The following RNF135 variants were observed in gnomAD, a reference collection of about 807,000 sequenced individuals.
The protein encoded by RNF135 is ring finger protein 135.
In RNF135, 46 loss-of-function variants were observed where a neutral mutation model predicts 41.9. The ratio of observed to expected loss-of-function variants is 1.10; its 90% CI spans 0.87 to 1.40. RNF135 has a LOEUF of 1.40. Among genes scored for constraint, RNF135 ranks in the 40% most tolerant of loss-of-function variants. The probability of loss-of-function intolerance (pLI) is 0.00; values close to 1 mark genes in which losing one functional copy is unlikely to be tolerated. For synonymous variants in RNF135, 238 were observed against 223.8 expected, an observed-to-expected ratio of 1.06 and a Z score of -0.57; for missense variants, 539 against 549.8, an observed-to-expected ratio of 0.98 and a Z score of 0.20.
chr17:30,964,591 G>C, the RNF135 span, among the ~76,000 whole-genome samples: 1 of 151,824 alleles, frequency 6.6e-6, no homozygotes, highest in Non-Finnish European at 1.5e-5. Context: ...GCAACAGAGG[G>C]AGACTCTGTC....
At chr17:30,975,598 C>G in intron 1 of RNF135, 1 of 881,090 alleles carries the variant, frequency 1.1e-6, no homozygotes, top group South Asian at 1.3e-5. Flanking sequence ...GAGCAAAACT[C>G]AAGAAAGCCA....
intron 1 of RNF135, among the ~76,000 whole-genome samples, chr17:30,979,767 C>G (rs1349021359): frequency 7.5e-6 from 1 of 132,916 alleles, no homozygotes; most frequent in Non-Finnish European, 1.7e-5. Flanking sequence ...GGGGCTGACC[C>G]CCCTCCCCCC....
the RNF135 span, among the ~76,000 whole-genome samples, chr17:30,964,703 T>TA: frequency 1.3e-5 from 2 of 151,314 alleles, no homozygotes; most frequent in African/African-American, 4.9e-5. Context: ...TTTTTTTTTT[T>TA]AGATGGAGTC....
At chr17:30,967,075 C>G (rs1249649138), upstream of RNF135, among the ~76,000 whole-genome samples, 1 of 152,044 alleles carries the variant, frequency 6.6e-6, no homozygotes, top group Non-Finnish European at 1.5e-5. Context: ...TGCTCTGTTG[C>G]CCAGACTGGA....
chr17:30,999,273 AC>A lies in RNF135; in HGVS notation c.*84del. 6.8e-7 allele frequency: 1 copy of A among 1,468,386 alleles called. No individual in the cohort carries two copies. Among genetic ancestry groups the A allele is most frequent in the Non-Finnish European group, 9.4e-7 (1 of 1,066,138 alleles). 91.0% of individuals were successfully genotyped at this position (1,468,386 alleles called of 1,614,324 possible). On this transcript the variant is annotated 3_prime_UTR_variant, in exon 5 of 5. Transcript: ENST00000328381. ...CAGGGTAGTAACTTGACTTAAGAAT[AC>A]CACTTTTTAGAAAAATTACGATAGA...
intron 3 of RNF135, among the ~76,000 whole-genome samples, chr17:30,994,217 C>T (rs1368263987): frequency 5.3e-5 from 8 of 152,116 alleles, no homozygotes; most frequent in Non-Finnish European, 2.9e-5. Flanking sequence ...AAAATACATA[C>T]AACATAAAAT....
At chr17:30,986,940 G>A (rs1462066283) in intron 2 of RNF135, among the ~76,000 whole-genome samples, 1 of 152,158 alleles carries the variant, frequency 6.6e-6, no homozygotes, top group Non-Finnish European at 1.5e-5. Flanking sequence ...AGGTTGTTAT[G>A]CAAATGAGAG....
chr17:30,968,411 A>T (rs572517149), upstream of RNF135, among the ~76,000 whole-genome samples: 1 of 140,102 alleles, frequency 7.1e-6, no homozygotes, highest in African/African-American at 2.7e-5. Flanking sequence ...TTTGAGACAG[A>T]GTCTTGCTCT....
the RNF135 span, among the ~76,000 whole-genome samples, chr17:30,962,918 C>T: frequency 7.9e-5 from 12 of 152,236 alleles, no homozygotes; most frequent in South Asian, 2.5e-3. Flanking sequence ...TACTCTATCA[C>T]CAACAGTTGG....
At chr17:30,961,311 A>G in the RNF135 span, among the ~76,000 whole-genome samples, 1 of 152,210 alleles carries the variant, frequency 6.6e-6, no homozygotes, top group African/African-American at 2.4e-5. Flanking sequence ...CACAGCAATC[A>G]TGCTGACCAT....
the RNF135 span, among the ~76,000 whole-genome samples, chr17:30,964,125 C>A: frequency 8.5e-5 from 13 of 152,072 alleles, no homozygotes; most frequent in African/African-American, 3.1e-4. Flanking sequence ...CGGTGGCTCA[C>A]GCCTGTAATC....
chr17:30,977,259 T>C (rs1906541591), intron 1 of RNF135, among the ~76,000 whole-genome samples: 1 of 152,234 alleles, frequency 6.6e-6, no homozygotes, highest in South Asian at 2.1e-4. Flanking sequence ...CATCCCCTGC[T>C]ATTTAATTTT....
rs777918015 is a variant in RNF135, at chr17:30,998,874, G to C, written c.982G>C (p.Gly328Arg). The change falls in exon 5 of 5, where the codon GGG becomes CGG. Residue 328 changes from glycine (G) to arginine (R), a missense_variant. Around this residue, in one of 2 missense-constraint regions of RNF135, gnomAD observed 262 missense variants for 336.9 expected, o/e 0.78. Transcript: ENST00000328381. ...DTRNCSHWAV[G>R]VASWEMSRDQ... ...TAGGAATTGCAGCCACTGGGCAGTT[G>C]GGGTGGCTTCCTGGGAGATGAGCCG... The C allele has an allele frequency of 1.9e-6, 3 of 1,612,124 alleles. No individual in the cohort carries two copies. The highest frequency in any genetic ancestry group is 2.5e-6 in the Non-Finnish European group (3 of 1,178,810).
intron 1 of RNF135, among the ~76,000 whole-genome samples, chr17:30,976,691 A>T (rs1367062517): frequency 1.3e-5 from 2 of 152,132 alleles, no homozygotes; most frequent in Non-Finnish European, 2.9e-5. Flanking sequence ...TGACTCCATC[A>T]TTATAAACTT....
At chr17:30,983,347 A>ATTT (rs1907334924) in intron 1 of RNF135, among the ~76,000 whole-genome samples, 1 of 36,842 alleles carries the variant, frequency 2.7e-5, no homozygotes, top group African/African-American at 9.8e-5. Flanking sequence ...ATATATATAT[A>ATTT]TATATATTTT....
intron 4 of RNF135, 85 bp from the exon 5 acceptor site, chr17:30,998,577 C>A (rs1908523597): frequency 4.5e-6 from 6 of 1,322,984 alleles, no homozygotes; most frequent in South Asian, 1.2e-5. Flanking sequence ...CCAAAAGATA[C>A]AAAGTTGCTA....
chr17:30,968,122 C>T (rs59542099), upstream of RNF135, among the ~76,000 whole-genome samples: 231 of 151,694 alleles, frequency 1.5e-3, 1 homozygote, highest in African/African-American at 5.0e-3. Context: ...AACCCCATCT[C>T]TACTAAAAAT....
chr17:30,967,307 G>T (rs1392005026), upstream of RNF135, among the ~76,000 whole-genome samples: 1 of 152,162 alleles, frequency 6.6e-6, no homozygotes, highest in East Asian at 1.9e-4. Context: ...TGGGATTACA[G>T]ATGTGAGCCA....
intron 2 of RNF135, among the ~76,000 whole-genome samples, chr17:30,985,885 C>A (rs115743804): frequency 6.6e-6 from 1 of 152,146 alleles, no homozygotes; most frequent in Admixed American, 6.5e-5. Flanking sequence ...CTACACTGGC[C>A]GCACAGTCGC....
Sources: gnomAD v4.1 joint callset for allele counts (sites outside exome capture counted in the v4.1 genomes callset) on GRCh38, gnomAD v4.1.1 for gene constraint, gnomAD v4.1.1 regional missense constraint, MANE v1.5 for transcripts, NCBI Gene and HGNC (gene_info 2026-07-23, HGNC 2026-07-21) for gene names.